Variants in FAM13A observed in about 807,000 individuals in gnomAD.
The protein encoded by FAM13A is family with sequence similarity 13 member A.
In FAM13A, 76 loss-of-function variants were observed where a neutral mutation model predicts 129.6. The observed-to-expected ratio is 0.59, with a 90% confidence interval of 0.49 to 0.71. FAM13A has a LOEUF of 0.71. Among genes scored for constraint, FAM13A ranks in the 30% least tolerant of loss-of-function variants. The pLI is 0.00. For synonymous variants in FAM13A, 443 were observed against 449.9 expected, an observed-to-expected ratio of 0.98 and a Z score of 0.20; for missense variants, 1,108 against 1,249.3, an observed-to-expected ratio of 0.89 and a Z score of 1.70.
intron 6 of FAM13A, among the ~76,000 whole-genome samples, chr4:88,854,911 T>C (rs935564998): frequency 4.6e-5 from 7 of 152,226 alleles, no homozygotes; most frequent in Non-Finnish European, 7.3e-5. Context: ...TAATATTTAC[T>C]GAGCACTTAT....
intron 21 of FAM13A, among the ~76,000 whole-genome samples, chr4:88,736,910 T>C (rs1399045519): frequency 6.6e-6 from 1 of 152,146 alleles, no homozygotes; most frequent in Non-Finnish European, 1.5e-5. Flanking sequence ...AAATGTGCTA[T>C]GAGAAAGTCA....
At chr4:89,002,308 C>T (rs1056693705) in intron 3 of FAM13A, among the ~76,000 whole-genome samples, 2 of 152,082 alleles carry the variant, frequency 1.3e-5, no homozygotes, top group African/African-American at 4.8e-5. Flanking sequence ...CCTTCAACAC[C>T]GCCTGCATCC....
At chr4:88,919,103 T>TA (rs1158882243) in intron 5 of FAM13A, among the ~76,000 whole-genome samples, 1 of 152,380 alleles carries the variant, frequency 6.6e-6, no homozygotes, top group East Asian at 1.9e-4. Flanking sequence ...TATATTGTTG[T>TA]ATTCACACTA....
intron 8 of FAM13A, among the ~76,000 whole-genome samples, chr4:88,801,316 T>C (rs567249080): frequency 1.3e-5 from 2 of 152,254 alleles, no homozygotes; most frequent in South Asian, 2.1e-4. Context: ...TTAACCAAAT[T>C]AGAAACAGTA....
intron 7 of FAM13A, among the ~76,000 whole-genome samples, chr4:88,839,224 ATTTTT>A (rs1735385326): frequency 6.6e-6 from 1 of 151,876 alleles, no homozygotes; most frequent in Non-Finnish European, 1.5e-5. Flanking sequence ...TTGCTATTTT[ATTTTT>A]ATGTTTAAAT....
chr4:88,891,612 A>C (rs991796541), intron 6 of FAM13A, among the ~76,000 whole-genome samples: 30 of 152,214 alleles, frequency 2.0e-4, no homozygotes, highest in Non-Finnish European at 1.0e-4. Flanking sequence ...GGCCAGGTTG[A>C]GAACTGGTTT....
At chr4:88,953,294 A>G (rs867834470) in intron 4 of FAM13A, among the ~76,000 whole-genome samples, 1 of 151,766 alleles carries the variant, frequency 6.6e-6, no homozygotes, top group Non-Finnish European at 1.5e-5. Flanking sequence ...GTCTCTACTA[A>G]AAGTACAAAA....
chr4:88,752,006 A>G (rs180827382), intron 14 of FAM13A, among the ~76,000 whole-genome samples: 1 of 152,324 alleles, frequency 6.6e-6, no homozygotes, highest in Admixed American at 6.5e-5. Context: ...ATATAATCCT[A>G]GAATGTTACA....
rs1273870224 is a variant in FAM13A, at chr4:88,824,708, A to ATTTG, written c.1008-19657_1008-19656insCAAA. Among the ~76,000 whole-genome samples, 30 of 151,558 alleles carry ATTTG rather than the reference A, an allele frequency of 2.0e-4. No homozygotes were observed. In the East Asian group the frequency reaches 5.6e-3, roughly 29 times the overall value. On this transcript the variant is annotated intron_variant, in intron 7 of 23. Coordinates refer to ENST00000264344, the MANE Select transcript of FAM13A (RefSeq NM_014883.4). ...TTTAACTCTTGCTTAACACTTTATTATTTATTTATTTATTTTTGAGATGGA... is the reference window on the plus strand; with the variant it reads ...TTTAACTCTTGCTTAACACTTTATTATTTGTTTATTTATTTATTTTTGAGATGGA...
intron 5 of FAM13A, among the ~76,000 whole-genome samples, chr4:88,931,214 T>C (rs1473279203): frequency 6.6e-6 from 1 of 152,030 alleles, no homozygotes; most frequent in Non-Finnish European, 1.5e-5. Context: ...AGCAGCTGTG[T>C]CTGTAGATGA....
intron 17 of FAM13A, among the ~76,000 whole-genome samples, chr4:88,748,174 G>A (rs1741784405): frequency 6.6e-6 from 1 of 152,220 alleles, no homozygotes; most frequent in Admixed American, 6.5e-5. Context: ...TTACAGGCGT[G>A]AGCCACTGCG....
intron 7 of FAM13A, among the ~76,000 whole-genome samples, chr4:88,840,633 T>C (rs1356312560): frequency 6.6e-6 from 1 of 151,088 alleles, no homozygotes; most frequent in Non-Finnish European, 1.5e-5. Flanking sequence ...CAGATGTGAA[T>C]ATGTTGGCAG....
intron 1 of FAM13A, among the ~76,000 whole-genome samples, chr4:89,046,892 A>G (rs1020418199): frequency 6.6e-6 from 1 of 152,142 alleles, no homozygotes; most frequent in South Asian, 2.1e-4. Flanking sequence ...AGTAAAAACC[A>G]AAGAGTAATA....
chr4:88,958,185 A>ATG (rs1380866244), intron 4 of FAM13A, among the ~76,000 whole-genome samples: 46 of 152,340 alleles, frequency 3.0e-4, no homozygotes, highest in African/African-American at 1.1e-3. Context: ...ACAATGAGCA[A>ATG]AAGGCCTCAA....
chr4:88,868,684 T>G (rs183436464), intron 6 of FAM13A, among the ~76,000 whole-genome samples: 1 of 152,310 alleles, frequency 6.6e-6, no homozygotes, highest in Non-Finnish European at 1.5e-5. Context: ...AAACCAAGAT[T>G]TATACATGTC....
intron 3 of FAM13A, among the ~76,000 whole-genome samples, chr4:89,014,158 G>GTA (rs938701673): frequency 1.3e-5 from 2 of 152,162 alleles, no homozygotes; most frequent in African/African-American, 4.8e-5. Flanking sequence ...ATAAAAATTC[G>GTA]TAGACGGTAA....
chr4:88,889,570 C>T (rs749654603), intron 6 of FAM13A, among the ~76,000 whole-genome samples: 2 of 152,156 alleles, frequency 1.3e-5, no homozygotes, highest in Non-Finnish European at 2.9e-5. Context: ...ATTTCATTCC[C>T]TCTTCCTGTG....
At chr4:88,750,838 T>C (rs1742442978) in intron 14 of FAM13A, among the ~76,000 whole-genome samples, 1 of 152,236 alleles carries the variant, frequency 6.6e-6, no homozygotes, top group Non-Finnish European at 1.5e-5. Flanking sequence ...ATCATCTGTC[T>C]ACCTCTCGTT....
At chr4:88,790,498 G>T (rs1007887205) in intron 9 of FAM13A, 88 bp downstream of exon 9, 13 of 1,069,362 alleles carry the variant, frequency 1.2e-5, no homozygotes, top group Non-Finnish European at 1.7e-5. Context: ...TACACCATTA[G>T]AGTTGCTTTT....
Sources: gnomAD v4.1 joint callset for allele counts (sites outside exome capture counted in the v4.1 genomes callset) on GRCh38, gnomAD v4.1.1 for gene constraint, MANE v1.5 for transcripts, NCBI Gene and HGNC (gene_info 2026-07-23, HGNC 2026-07-21) for gene names.